Variants in SNRPN observed in about 807,000 individuals in gnomAD.
SNRPN encodes small nuclear ribonucleoprotein polypeptide N.
SNRPN carries 7 observed loss-of-function variants against 25.2 expected under a neutral mutation model. That is an observed-to-expected ratio of 0.28 (90% confidence interval 0.16 to 0.52). The LOEUF (loss-of-function observed/expected upper bound fraction) is 0.52. Ranked by LOEUF, SNRPN falls within the 20% of genes least tolerant of loss-of-function variation. The probability of loss-of-function intolerance (pLI) is 0.96; values close to 1 mark genes in which losing one functional copy is unlikely to be tolerated. For missense variants in SNRPN, 196 were observed against 322.5 expected (o/e 0.61, Z 3.00); for synonymous variants, 124 against 110.6 (o/e 1.12, Z -0.76).
At chr15:24,923,877 G>A (rs573645615) in intron 3 of SNRPN, among the ~76,000 whole-genome samples, 94 of 98,546 alleles carry the variant, frequency 9.5e-4, no homozygotes, top group Non-Finnish European at 1.3e-3. Flanking sequence ...TTTTAGTGCC[G>A]TGTATGTGTG....
intron 2 of SNRPN, among the ~76,000 whole-genome samples, chr15:24,888,318 G>C (rs2057368432): frequency 6.6e-6 from 1 of 151,988 alleles, no homozygotes; most frequent in African/African-American, 2.4e-5. Context: ...GTCTTGGCCA[G>C]GCTGGTCTCG....
Position 24,909,419 on chromosome 15 carries a change from A to G in SNRPN, c.-504-10592A>G, listed in dbSNP as rs1306946689. 1.2e-5 allele frequency: 19 copies of G among 1,594,724 alleles called. No homozygotes were observed. In the Admixed American group the frequency reaches 1.3e-4, roughly 11 times the overall value. ...GGTAAAGGCACTTGGCTGACCATCA[A>G]TGCTTTCCACAATGTATTCATCGCC... On this transcript the variant is annotated intron_variant, in intron 2 of 11. Transcript: ENST00000400097.
At chr15:24,831,775 T>C (rs1251860787) in intron 2 of SNRPN, among the ~76,000 whole-genome samples, 1 of 152,128 alleles carries the variant, frequency 6.6e-6, no homozygotes, top group Non-Finnish European at 1.5e-5. Flanking sequence ...GTCATGCAGA[T>C]ACATTCATTC....
intron 2 of SNRPN, chr15:24,848,457 T>C (rs1169501623): frequency 4.6e-5 from 7 of 152,186 alleles, no homozygotes. Flanking sequence ...TCTCTAGGTT[T>C]CGTATCATTG....
intron 2 of SNRPN, among the ~76,000 whole-genome samples, chr15:24,833,642 C>T (rs373599523): frequency 1.3e-5 from 2 of 151,950 alleles, no homozygotes; most frequent in Non-Finnish European, 2.9e-5. Flanking sequence ...AGGAAGAAGG[C>T]GATGTGTAAC....
chr15:24,840,963 T>C (rs1419504917), intron 2 of SNRPN, among the ~76,000 whole-genome samples: 1 of 152,120 alleles, frequency 6.6e-6, no homozygotes, highest in Non-Finnish European at 1.5e-5. Context: ...TGCCTCAGCC[T>C]CCTGAGTAGC....
At chr15:24,923,890 T>TG (rs1322762119) in intron 3 of SNRPN, among the ~76,000 whole-genome samples, 9 of 116,304 alleles carry the variant, frequency 7.7e-5, no homozygotes, top group African/African-American at 3.1e-4. Flanking sequence ...TATGTGTGTG[T>TG]GTGTGTGTGT....
intron 2 of SNRPN, among the ~76,000 whole-genome samples, chr15:24,907,574 G>C (rs889716864): frequency 2.0e-5 from 3 of 152,018 alleles, no homozygotes; most frequent in Non-Finnish European, 4.4e-5. Context: ...CTCCAGCCTG[G>C]GTGACAGAGC....
chr15:24,910,947 C>T, intron 2 of SNRPN: 2 of 818,552 alleles, frequency 2.4e-6, no homozygotes, highest in Non-Finnish European at 4.1e-6. Flanking sequence ...GAGGAAAGTG[C>T]AGCAGCCAAC....
At chr15:24,873,267 G>C (rs2055387991) in intron 1 of SNRPN, among the ~76,000 whole-genome samples, 1 of 120,196 alleles carries the variant, frequency 8.3e-6, no homozygotes, top group African/African-American at 2.9e-5. Flanking sequence ...ACAAAGCCAT[G>C]GGACTACATA....
chr15:24,834,267 C>T (rs2050818316), intron 2 of SNRPN, among the ~76,000 whole-genome samples: 1 of 138,886 alleles, frequency 7.2e-6, no homozygotes, highest in Admixed American at 7.6e-5. Flanking sequence ...AAGAAGCTTG[C>T]TTGGTCAGAT....
intron 1 of SNRPN, among the ~76,000 whole-genome samples, chr15:24,960,033 G>C (rs993106776): frequency 5.9e-5 from 9 of 152,106 alleles, no homozygotes; most frequent in Admixed American, 5.2e-4. Flanking sequence ...GGGAGGCCGA[G>C]GTGGGTAGAT....
chr15:24,868,400 A>G (rs1162372203), intron 1 of SNRPN, among the ~76,000 whole-genome samples: 1 of 152,208 alleles, frequency 6.6e-6, no homozygotes. Context: ...GGCTTCTCCC[A>G]CATGGCAGAA....
rs17114916 is a variant in SNRPN, at chr15:24,966,019, C to T, written c.-294-1913C>T. Among the ~76,000 whole-genome samples the T allele has an allele frequency of 4.7e-3, 709 of 152,172 alleles. 4 individuals carry two copies. Among genetic ancestry groups the T allele is most frequent in the African/African-American group, 0.016 (671 of 41,498 alleles). On this transcript the variant is annotated intron_variant, in intron 2 of 9. Coordinates refer to ENST00000390687, the MANE Select transcript of SNRPN (RefSeq NM_003097.6). Reference sequence around the variant, plus strand: ...ACTATGAATTAGAGTATAAAGTAGACTATGAATTAGAGTGTGAAGATTTAG... The same window carrying T: ...ACTATGAATTAGAGTATAAAGTAGATTATGAATTAGAGTGTGAAGATTTAG...
chr15:24,922,516 T>C (rs552498603), intron 3 of SNRPN, among the ~76,000 whole-genome samples: 67 of 152,342 alleles, frequency 4.4e-4, no homozygotes, highest in African/African-American at 1.6e-3. Flanking sequence ...TCAAAACTCG[T>C]GGGTATCCCT....
At chr15:24,852,124 C>T (rs1394043979), upstream of SNRPN, 3 of 152,162 alleles carry the variant, frequency 2.0e-5, no homozygotes, top group East Asian at 1.9e-4. Context: ...TTAGTGTCTC[C>T]TCATTTCATG....
intron 1 of SNRPN, among the ~76,000 whole-genome samples, chr15:24,880,747 T>TA (rs547720099): frequency 6.7e-6 from 1 of 149,670 alleles, no homozygotes; most frequent in Non-Finnish European, 1.5e-5. Flanking sequence ...TTTTAACACT[T>TA]ACGCCTTTTT....
At chr15:24,851,432 G>T in intron 2 of SNRPN, 1 of 153,004 alleles carries the variant, frequency 6.5e-6, no homozygotes, top group Non-Finnish European at 1.5e-5. Flanking sequence ...AGAGCGTGGA[G>T]CAGTGAATCT....
At chr15:24,877,661 A>AACACACACACACACACACACACAC (rs72120147) in intron 1 of SNRPN, among the ~76,000 whole-genome samples, 7 of 144,762 alleles carry the variant, frequency 4.8e-5, no homozygotes, top group Admixed American at 1.4e-4. Flanking sequence ...ATCTCTACAA[A>AACACACACACACACACACACACAC]ACACACACAC....
Sources: allele counts gnomAD v4.1 joint callset (sites outside exome capture counted in the v4.1 genomes callset), GRCh38; gene constraint gnomAD v4.1.1; transcripts MANE v1.5; gene names NCBI Gene and HGNC (gene_info 2026-07-23, HGNC 2026-07-21).